The following PPARGC1A variants were observed in gnomAD, a reference collection of about 807,000 sequenced individuals.
The protein encoded by PPARGC1A is peroxisome proliferator-activated receptor gamma coactivator 1-alpha.
In PPARGC1A, 25 loss-of-function variants were observed where a neutral mutation model predicts 88.7. The ratio of observed to expected loss-of-function variants is 0.28; its 90% confidence interval spans 0.21 to 0.39. PPARGC1A has a LOEUF of 0.39. Among genes scored for constraint, PPARGC1A ranks in the 10% least tolerant of loss-of-function variants. The pLI is 1.00. For missense variants in PPARGC1A, 880 were observed against 968.7 expected (o/e 0.91, Z 1.22); for synonymous variants, 363 against 355.6 (o/e 1.02, Z -0.24).
the PPARGC1A span, among the ~76,000 whole-genome samples, chr4:23,918,456 A>C: frequency 6.6e-6 from 1 of 152,106 alleles, no homozygotes; most frequent in Non-Finnish European, 1.5e-5. Context: ...GCCTGACCTC[A>C]AGTGAGGTCA....
At chr4:24,126,437 A>G in the PPARGC1A span, among the ~76,000 whole-genome samples, 1 of 152,186 alleles carries the variant, frequency 6.6e-6, no homozygotes, top group East Asian at 1.9e-4. Flanking sequence ...GAGCTATGTG[A>G]CACTGAGTAG....
the PPARGC1A span, among the ~76,000 whole-genome samples, chr4:23,930,607 C>A: frequency 1.3e-5 from 2 of 152,182 alleles, no homozygotes; most frequent in Admixed American, 6.5e-5. Flanking sequence ...ATATATCATT[C>A]AAGCTATGGG....
chr4:23,953,747 A>G, the PPARGC1A span, among the ~76,000 whole-genome samples: 56,703 of 151,808 alleles, frequency 0.37, 11,456 homozygotes, highest in Non-Finnish European at 0.48. Flanking sequence ...AATAGTAACC[A>G]TTTTATAATC....
the PPARGC1A span, among the ~76,000 whole-genome samples, chr4:24,114,769 C>T: frequency 6.6e-6 from 1 of 152,154 alleles, no homozygotes; most frequent in Non-Finnish European, 1.5e-5. Flanking sequence ...CAAACTACTG[C>T]CCTGAAAAAT....
the PPARGC1A span, among the ~76,000 whole-genome samples, chr4:24,340,822 C>T: frequency 2.0e-5 from 3 of 151,922 alleles, no homozygotes; most frequent in Non-Finnish European, 4.4e-5. Flanking sequence ...CTGCTGTATA[C>T]ATTTAAACCC....
At chr4:24,117,863 T>C in the PPARGC1A span, among the ~76,000 whole-genome samples, 1 of 151,022 alleles carries the variant, frequency 6.6e-6, no homozygotes, top group Non-Finnish European at 1.5e-5. Flanking sequence ...TTCTAAGCAT[T>C]TCTTATACAG....
the PPARGC1A span, among the ~76,000 whole-genome samples, chr4:24,085,536 C>G: frequency 6.6e-6 from 1 of 152,154 alleles, no homozygotes. Flanking sequence ...GCCTGGTGAG[C>G]ACCCAGTACA....
chr4:24,223,313 G>T, the PPARGC1A span, among the ~76,000 whole-genome samples: 16 of 145,968 alleles, frequency 1.1e-4, no homozygotes, highest in Admixed American at 9.9e-4. Context: ...GCAGTGGCAC[G>T]ATCTCAGCCA....
the PPARGC1A span, among the ~76,000 whole-genome samples, chr4:24,354,003 G>A: frequency 6.6e-6 from 1 of 152,122 alleles, no homozygotes; most frequent in Non-Finnish European, 1.5e-5. Flanking sequence ...CAGCTCTGTA[G>A]GTCAGAAGTC....
the PPARGC1A span, among the ~76,000 whole-genome samples, chr4:24,195,663 A>T: frequency 3.3e-5 from 5 of 152,172 alleles, no homozygotes; most frequent in Admixed American, 3.3e-4. Flanking sequence ...CCTTATGCAA[A>T]CCATCATGAT....
the PPARGC1A span, among the ~76,000 whole-genome samples, chr4:24,079,259 G>C: frequency 2.0e-5 from 3 of 152,014 alleles, no homozygotes; most frequent in Non-Finnish European, 2.9e-5. Flanking sequence ...CCTCAAAGAA[G>C]AGTCAGTAGT....
chr4:24,386,607 C>T, the PPARGC1A span, among the ~76,000 whole-genome samples: 6 of 152,138 alleles, frequency 3.9e-5, no homozygotes, highest in Non-Finnish European at 7.4e-5. Context: ...AATAGACAAA[C>T]AGAGAGCCAA....
the PPARGC1A span, among the ~76,000 whole-genome samples, chr4:23,976,635 A>T: frequency 0.021 from 3,150 of 152,288 alleles, 105 homozygotes; most frequent in African/African-American, 0.071. Context: ...AAATGAGGGC[A>T]TAAGGGTAAA....
chr4:23,999,042 G>T, the PPARGC1A span, among the ~76,000 whole-genome samples: 1 of 152,186 alleles, frequency 6.6e-6, no homozygotes, highest in Admixed American at 6.5e-5. Context: ...GTGATAACAA[G>T]GAACTCTGGA....
chr4:23,884,776 G>C lies in PPARGC1A; in HGVS notation c.210C>G (p.Asn70Lys). Residue 70 changes from asparagine to lysine, a missense_variant, in exon 2 of 13, where the codon AAC becomes AAG. By Grantham distance (94) the Asn-to-Lys change is moderately conservative. Transcript: ENST00000264867. ...CCTCAAATATGTTTGAAGGCTCATT[G>C]TTGTACTGATTGGATATTATTTCTG... is the stretch of plus-strand genomic sequence containing the variant. ...DQSEIISNQY[N>K]NEPSNIFEKI... The C allele has an allele frequency of 6.2e-7, 1 of 1,613,748 alleles. No individual in the cohort carries two copies. The highest frequency in any genetic ancestry group is 8.5e-7 in the Non-Finnish European group (1 of 1,179,818).
At chr4:24,059,668 A>T in the PPARGC1A span, among the ~76,000 whole-genome samples, 1 of 152,174 alleles carries the variant, frequency 6.6e-6, no homozygotes, top group Admixed American at 6.5e-5. Context: ...CCCCAAAAAG[A>T]CAACCCCCAA....
chr4:23,984,166 C>T, the PPARGC1A span, among the ~76,000 whole-genome samples: 1 of 152,006 alleles, frequency 6.6e-6, no homozygotes, highest in Non-Finnish European at 1.5e-5. Flanking sequence ...CTGAATTTTT[C>T]TCCCCAGGCT....
At chr4:23,973,066 T>C in the PPARGC1A span, among the ~76,000 whole-genome samples, 1 of 152,214 alleles carries the variant, frequency 6.6e-6, no homozygotes, top group Non-Finnish European at 1.5e-5. Flanking sequence ...CCTTCCTCTG[T>C]GGTCTTCCTG....
the PPARGC1A span, among the ~76,000 whole-genome samples, chr4:24,119,367 T>C: frequency 2.0e-5 from 3 of 152,288 alleles, no homozygotes; most frequent in South Asian, 4.1e-4. Context: ...TCACCAGACC[T>C]GAAAGACCTG....
Sources: gnomAD v4.1 joint callset for allele counts (sites outside exome capture counted in the v4.1 genomes callset) on GRCh38, gnomAD v4.1.1 for gene constraint, MANE v1.5 for transcripts, NCBI Gene and HGNC (gene_info 2026-07-23, HGNC 2026-07-21) for gene names.